FRK: variants seen among roughly 807,000 people sequenced by gnomAD.
FRK encodes the protein tyrosine-protein kinase FRK.
FRK carries 51 observed loss-of-function variants against 56.4 expected under a neutral mutation model. The ratio of observed to expected loss-of-function variants is 0.90; its 90% CI spans 0.72 to 1.14. The LOEUF (loss-of-function observed/expected upper bound fraction) is 1.14. Among genes scored for constraint, FRK ranks in the 50% most tolerant of loss-of-function variants. The pLI is 0.00. For missense variants in FRK, 570 were observed against 601.4 expected, an observed-to-expected ratio of 0.95 and a Z score of 0.55; for synonymous variants, 245 against 217.9, an observed-to-expected ratio of 1.12 and a Z score of -1.10.
At chr6:115,991,170 G>C (rs1348624380) in intron 2 of FRK, among the ~76,000 whole-genome samples, 1 of 151,810 alleles carries the variant, frequency 6.6e-6, no homozygotes, top group Non-Finnish European at 1.5e-5. Flanking sequence ...GAGTCTTTTG[G>C]AGAAATCTTT....
At chr6:116,045,665 T>C (rs942912527) in intron 1 of FRK, among the ~76,000 whole-genome samples, 3 of 152,100 alleles carry the variant, frequency 2.0e-5, no homozygotes, top group African/African-American at 4.8e-5. Context: ...ATTCAGGACA[T>C]AGGCATGGGC....
chr6:116,017,136 A>G (rs377256870), intron 1 of FRK, among the ~76,000 whole-genome samples: 1 of 151,986 alleles, frequency 6.6e-6, no homozygotes, highest in Non-Finnish European at 1.5e-5. Context: ...TTGTGGAAAA[A>G]GGCAGACTGA....
At chr6:116,002,541 C>T (rs189424813) in intron 2 of FRK, 572 of 339,442 alleles carry the variant, frequency 1.7e-3, no homozygotes, top group Non-Finnish European at 2.9e-3. Context: ...CGCTTAAACC[C>T]GGGAGGCGGA....
At chr6:115,972,299 T>C (rs1773833937) in intron 2 of FRK, among the ~76,000 whole-genome samples, 1 of 152,188 alleles carries the variant, frequency 6.6e-6, no homozygotes, top group Admixed American at 6.5e-5. Context: ...CCCTGACAAT[T>C]ACTAGGAGGA....
At chr6:116,050,466 A>G (rs1343981505) in intron 1 of FRK, among the ~76,000 whole-genome samples, 2 of 152,152 alleles carry the variant, frequency 1.3e-5, no homozygotes, top group Non-Finnish European at 2.9e-5. Flanking sequence ...AAACAGAGCA[A>G]CGCCTGCTTC....
At chr6:116,017,621 T>C (rs990240942) in intron 1 of FRK, among the ~76,000 whole-genome samples, 5 of 152,176 alleles carry the variant, frequency 3.3e-5, no homozygotes, top group African/African-American at 1.2e-4. Flanking sequence ...GCCTCAGTTC[T>C]CAAACTCCAG....
chr6:115,972,737 T>G (rs1488026892), intron 2 of FRK, among the ~76,000 whole-genome samples: 1 of 152,250 alleles, frequency 6.6e-6, no homozygotes, highest in Non-Finnish European at 1.5e-5. Context: ...CATTGTTATA[T>G]TCACATGTAT....
rs761052080 is a variant in FRK at position 115,942,422 on chromosome 6, T to C, written c.1510A>G (p.Ile504Val). The change falls in exon 8 of 8, where the codon ATA (isoleucine) becomes GTA (valine). Residue 504 changes from isoleucine (I) to valine (V), a missense_variant. Ile to Val is a conservative substitution (Grantham distance 29). Transcript: ENST00000606080. ...DSSYSDANNF[I>V]R ...ATATTCTTCTCCAGTGTTCATCTTA[T>C]GAAGTTATTTGCATCTGAATATGAA... The C allele has an allele frequency of 6.2e-7, 1 of 1,610,592 alleles. No homozygotes were observed. Among genetic ancestry groups the C allele is most frequent in the Non-Finnish European group, 8.5e-7 (1 of 1,176,946 alleles).
chr6:116,058,842 C>T (rs1184970703), intron 1 of FRK, among the ~76,000 whole-genome samples: 2 of 140,800 alleles, frequency 1.4e-5, no homozygotes, highest in African/African-American at 2.7e-5. Context: ...ACCCGGGAGG[C>T]GGAGCTTGCA....
intron 2 of FRK, chr6:116,002,795 C>T: frequency 2.3e-6 from 1 of 437,344 alleles, no homozygotes; most frequent in Non-Finnish European, 4.7e-6. Context: ...CTCGGCAACA[C>T]CTGCCTCAAA....
chr6:115,947,112 TGACAAA>T (rs1772486831), intron 5 of FRK, among the ~76,000 whole-genome samples: 1 of 152,122 alleles, frequency 6.6e-6, no homozygotes, highest in African/African-American at 2.4e-5. Context: ...GGGTTGTAAT[TGACAAA>T]GTATTCAGGG....
intron 1 of FRK, among the ~76,000 whole-genome samples, chr6:116,020,933 T>C (rs1203436201): frequency 1.3e-5 from 2 of 152,140 alleles, no homozygotes. Context: ...TGAATACAGA[T>C]TTCTAAACTG....
At chr6:116,019,410 A>G (rs1458185430) in intron 1 of FRK, among the ~76,000 whole-genome samples, 1 of 152,218 alleles carries the variant, frequency 6.6e-6, no homozygotes, top group Non-Finnish European at 1.5e-5. Context: ...AAGATTTGGT[A>G]CAGAGAGCAA....
intron 1 of FRK, among the ~76,000 whole-genome samples, chr6:116,029,693 C>CTTACAATCA (rs947645656): frequency 1.3e-5 from 2 of 152,138 alleles, no homozygotes; most frequent in Admixed American, 6.6e-5. Flanking sequence ...GGGAAGCACT[C>CTTACAATCA]TTACAATCAC....
At chr6:115,978,262 T>A (rs1774057861) in intron 2 of FRK, among the ~76,000 whole-genome samples, 1 of 152,180 alleles carries the variant, frequency 6.6e-6, no homozygotes, top group Non-Finnish European at 1.5e-5. Flanking sequence ...ATAATCTAAA[T>A]ATTTACATGC....
intron 1 of FRK, chr6:116,039,170 A>C (rs1776614724): frequency 1.8e-6 from 2 of 1,141,798 alleles, no homozygotes; most frequent in Non-Finnish European, 2.7e-6. Flanking sequence ...GGCATCACTG[A>C]GAAGTTTGTT....
At chr6:115,950,297 A>C (rs1287638898) in intron 5 of FRK, among the ~76,000 whole-genome samples, 1 of 152,248 alleles carries the variant, frequency 6.6e-6, no homozygotes, top group Non-Finnish European at 1.5e-5. Flanking sequence ...ACAAAGGGCT[A>C]ATACCAAGAA....
rs555531595 is a variant in FRK, at chr6:115,956,627, G to A, written c.800-17C>T. On this transcript the variant is annotated splice_polypyrimidine_tract_variant and intron_variant, in intron 4 of 7. Transcript: ENST00000606080. ...CCATTGAACCTGAAACAAGAAGAGG[G>A]AGAAATCACTTTATGTTATTGAGGC... 5.3e-6 allele frequency: 8 copies of A among 1,519,496 alleles called. 1 individual carries two copies. The highest frequency in any genetic ancestry group is 2.4e-5 in the East Asian group (1 of 42,066). The allele number at this position is 1,519,496 out of a possible 1,614,324, so 94.1% of individuals were successfully genotyped here.
chr6:116,062,048 T>G (rs971142755), upstream of FRK, among the ~76,000 whole-genome samples: 1 of 150,164 alleles, frequency 6.7e-6, no homozygotes, highest in Non-Finnish European at 1.5e-5. Flanking sequence ...AAAAAGAAAA[T>G]CAGAGAACCA....
Sources: gnomAD v4.1 joint callset for allele counts (sites outside exome capture counted in the v4.1 genomes callset) on GRCh38, gnomAD v4.1.1 for gene constraint, MANE v1.5 for transcripts, NCBI Gene and HGNC (gene_info 2026-07-23, HGNC 2026-07-21) for gene names.